Variants in HMGN3 observed in about 807,000 individuals in gnomAD.
HMGN3 encodes high mobility group nucleosome-binding domain-containing protein 3.
In HMGN3, 6 loss-of-function variants were observed where a neutral mutation model predicts 18.8. The observed-to-expected ratio is 0.32, with a 90% CI of 0.18 to 0.63. The LOEUF is 0.63. HMGN3 is among the 30% of genes least tolerant of loss of function. The pLI is 0.79. For synonymous variants in HMGN3, 40 were observed against 36.5 expected, an observed-to-expected ratio of 1.10 and a Z score of -0.35; for missense variants, 107 against 114.2, an observed-to-expected ratio of 0.94 and a Z score of 0.29.
At chr6:79,232,370 T>C (rs1397291888) in intron 1 of HMGN3, among the ~76,000 whole-genome samples, 1 of 152,216 alleles carries the variant, frequency 6.6e-6, no homozygotes, top group Non-Finnish European at 1.5e-5. Flanking sequence ...AGGTTGTTCC[T>C]GCCCAGGTAC....
chr6:79,224,470 T>C (rs1777462398), intron 1 of HMGN3, among the ~76,000 whole-genome samples: 1 of 152,210 alleles, frequency 6.6e-6, no homozygotes, highest in Non-Finnish European at 1.5e-5. Context: ...CTATTAAAAA[T>C]AGTTTATGTT....
chr6:79,201,639 A>G (rs1205012522), exon 6 of HMGN3: 1 of 1,260,448 alleles, frequency 7.9e-7, no homozygotes, highest in Non-Finnish European at 1.1e-6. Flanking sequence ...TAGCTTTTAA[A>G]AGTTGTCCCA....
intron 5 of HMGN3, 32 bp from the exon 7 acceptor site, chr6:79,201,758 G>GC: frequency 6.2e-7 from 1 of 1,602,362 alleles, no homozygotes; most frequent in South Asian, 1.1e-5. Flanking sequence ...AAAACATATA[G>GC]TTACTACTGA....
rs922997635 is a variant in HMGN3 at position 79,229,683 on chromosome 6, C to G, written c.15+4863G>C. On this transcript the variant is annotated intron_variant, in intron 1 of 5. Transcript: ENST00000344726. ...ACGAGGTCAGGAGATCAAGACCATC[C>G]TGGCTAACACGGTGAAACCCCGTGT... 3.3e-5 allele frequency among the ~76,000 whole-genome samples: 5 copies of G among 152,124 alleles called. No individual in the cohort carries two copies. The East Asian group carries it at 9.6e-4, about 29-fold the overall frequency.
chr6:79,221,888 A>ATGTAGTACCAATTCATTGGTACG, intron 1 of HMGN3, among the ~76,000 whole-genome samples: 1 of 151,962 alleles, frequency 6.6e-6, no homozygotes, highest in Admixed American at 6.5e-5. Flanking sequence ...TCATTGGTAC[A>ATGTAGTACCAATTCATTGGTACG]TGTAGTACCA....
intron 3 of HMGN3, among the ~76,000 whole-genome samples, chr6:79,204,820 ATCT>A (rs148279635): frequency 0.017 from 2,523 of 152,352 alleles, 27 homozygotes; most frequent in Non-Finnish European, 0.026. Flanking sequence ...GTTTTTATTA[ATCT>A]TCTTATCACC....
At chr6:79,228,688 A>T (rs1344177151) in intron 1 of HMGN3, among the ~76,000 whole-genome samples, 1 of 152,208 alleles carries the variant, frequency 6.6e-6, no homozygotes, top group East Asian at 1.9e-4. Flanking sequence ...CCAGATTTAA[A>T]ATCTTACTAT....
At chr6:79,210,981 T>C (rs1211901941) in intron 2 of HMGN3, among the ~76,000 whole-genome samples, 1 of 121,122 alleles carries the variant, frequency 8.3e-6, no homozygotes, top group Non-Finnish European at 1.6e-5. Flanking sequence ...AGTACAGGAG[T>C]TCCAAAATAA....
At chr6:79,224,820 A>T (rs1394885618) in intron 1 of HMGN3, among the ~76,000 whole-genome samples, 1 of 152,230 alleles carries the variant, frequency 6.6e-6, no homozygotes, top group Non-Finnish European at 1.5e-5. Context: ...AGATGTTACC[A>T]GATGGTTACT....
intron 2 of HMGN3, among the ~76,000 whole-genome samples, chr6:79,210,318 T>C (rs1471310125): frequency 6.6e-6 from 1 of 152,168 alleles, no homozygotes; most frequent in East Asian, 1.9e-4. Context: ...AGCTTCAGTG[T>C]GGCCTCAAGG....
At chr6:79,234,674 G>C in exon 1 of HMGN3, 1 of 1,037,210 alleles carries the variant, frequency 9.6e-7, no homozygotes, top group East Asian at 2.4e-5. Flanking sequence ...GACGTAGCCC[G>C]GCCTCTTCGA....
rs555088449 is a variant in HMGN3 at position 79,213,652 on chromosome 6, G to A, written c.66+1320C>T. 2.6e-5 allele frequency among the ~76,000 whole-genome samples: 4 copies of A among 152,312 alleles called. No homozygotes were observed. The South Asian group carries it at 8.3e-4, about 32-fold the overall frequency. ...TGATTATTCCAAACTCTGTCAAACA[G>A]TGAATGCTAGGTACATGGATGATGG... On this transcript the variant is annotated intron_variant, in intron 2 of 5. Coordinates refer to ENST00000344726, the Ensembl canonical transcript of HMGN3.
chr6:79,216,603 A>T (rs1177065163), intron 1 of HMGN3, among the ~76,000 whole-genome samples: 1 of 152,006 alleles, frequency 6.6e-6, no homozygotes, highest in East Asian at 1.9e-4. Context: ...CAAATTAACC[A>T]TCTCCCCTCC....
At chr6:79,214,283 C>G (rs746835862) in intron 2 of HMGN3, among the ~76,000 whole-genome samples, 84 of 150,658 alleles carry the variant, frequency 5.6e-4, no homozygotes, top group East Asian at 2.7e-3. Flanking sequence ...CTCACTGCAA[C>G]CTCCACCTCC....
chr6:79,223,328 G>A (rs998259409), intron 1 of HMGN3, among the ~76,000 whole-genome samples: 2 of 152,158 alleles, frequency 1.3e-5, no homozygotes, highest in African/African-American at 4.8e-5. Context: ...TGGCTGACAC[G>A]GTGAAACCCC....
At chr6:79,219,941 G>A (rs1026996030) in intron 1 of HMGN3, among the ~76,000 whole-genome samples, 11 of 152,158 alleles carry the variant, frequency 7.2e-5, no homozygotes, top group South Asian at 2.1e-4. Flanking sequence ...TTTACCAATC[G>A]CTGATTCTAA....
chr6:79,218,197 A>ACAC (rs1777092956), intron 1 of HMGN3, among the ~76,000 whole-genome samples: 1 of 152,172 alleles, frequency 6.6e-6, no homozygotes, highest in South Asian at 2.1e-4. Flanking sequence ...CCCTTCTGGC[A>ACAC]CACCCCAAGA....
Position 79,203,640 on chromosome 6 carries a change from T to C in HMGN3, c.97-10A>G, listed in dbSNP as rs1776262864. Reference sequence around the variant, plus strand: ...TTGGTGGAGCAGGTTTCTGCAAAGATAATTTAAATTACACAAATACTGAAA... The same window carrying C: ...TTGGTGGAGCAGGTTTCTGCAAAGACAATTTAAATTACACAAATACTGAAA... On this transcript the variant is annotated splice_polypyrimidine_tract_variant and intron_variant, in intron 3 of 5. Transcript: ENST00000344726. 1 of 1,586,218 alleles carries C rather than the reference T, an allele frequency of 6.3e-7. No homozygotes were observed. The highest frequency in any genetic ancestry group is 8.6e-7 in the Non-Finnish European group (1 of 1,167,520).
intron 3 of HMGN3, among the ~76,000 whole-genome samples, chr6:79,207,864 A>C (rs926763575): frequency 1.3e-5 from 2 of 152,206 alleles, no homozygotes; most frequent in Admixed American, 6.5e-5. Flanking sequence ...TCTCAGTGGG[A>C]AGTCTGGGCT....
Sources: allele counts gnomAD v4.1 joint callset (sites outside exome capture counted in the v4.1 genomes callset), GRCh38; gene constraint gnomAD v4.1.1; transcripts MANE v1.5; gene names NCBI Gene and HGNC (gene_info 2026-07-23, HGNC 2026-07-21).